The following MGAM2 variants were observed in gnomAD, a reference collection of about 807,000 sequenced individuals.
MGAM2 encodes the protein probable maltase-glucoamylase 2.
In MGAM2, 98 loss-of-function variants were observed where a neutral mutation model predicts 96.1. The ratio of observed to expected loss-of-function variants is 1.02; its 90% confidence interval spans 0.87 to 1.21. The LOEUF (loss-of-function observed/expected upper bound fraction) is 1.21. MGAM2 is among the 50% of genes most tolerant of loss of function. The probability of loss-of-function intolerance (pLI) is 0.00; values close to 1 mark genes in which losing one functional copy is unlikely to be tolerated. For synonymous variants in MGAM2, 749 were observed against 414.8 expected, an observed-to-expected ratio of 1.81 and a Z score of -9.79; for missense variants, 2,055 against 1,182.4, an observed-to-expected ratio of 1.74 and a Z score of -10.82.
intron 33 of MGAM2, 64 bp downstream of exon 33, chr7:142,183,437 T>G: frequency 1.5e-6 from 1 of 679,208 alleles, no homozygotes; most frequent in East Asian, 2.7e-5. Context: ...AAAACAGCTC[T>G]CAATACACAT....
At chr7:142,208,012 T>TTGCTC (rs1266485110) in intron 45 of MGAM2, among the ~76,000 whole-genome samples, 6 of 152,132 alleles carry the variant, frequency 3.9e-5, no homozygotes, top group African/African-American at 1.4e-4. Context: ...AGCAATCAAT[T>TTGCTC]TTAAGCACTT....
rs548518691 is a variant in MGAM2, at chr7:142,191,302, C to G, written c.4346+1797C>G. Among the ~76,000 whole-genome samples the G allele has an allele frequency of 3.5e-3, 540 of 152,146 alleles. 1 individual carries two copies. Among genetic ancestry groups the G allele is most frequent in the Non-Finnish European group, 4.5e-3 (309 of 67,986 alleles). On this transcript the variant is annotated intron_variant, in intron 37 of 47. Transcript: ENST00000477922. ...AAGTTTTTATAAAGTCCTATTTATTCATTTACTTACTTATTCATTTGTCAC... is the reference window on the plus strand; with the variant it reads ...AAGTTTTTATAAAGTCCTATTTATTGATTTACTTACTTATTCATTTGTCAC...
intron 34 of MGAM2, 119 bp downstream of exon 34, chr7:142,185,258 A>G (rs1796659707): frequency 1.8e-6 from 1 of 567,974 alleles, no homozygotes; most frequent in South Asian, 2.4e-5. Context: ...GAGGGTGCTT[A>G]TCCACTGTTA....
chr7:142,211,395 G>A (rs1474667067), intron 46 of MGAM2, among the ~76,000 whole-genome samples: 1 of 152,152 alleles, frequency 6.6e-6, no homozygotes, highest in African/African-American at 2.4e-5. Flanking sequence ...AAGCTCCTCC[G>A]AGCTAAAGGA....
rs1797126708 is a variant in MGAM2 at position 142,198,621 on chromosome 7, A to G, written c.4930A>G (p.Ser1644Gly). Reference protein sequence around the residue: ...ARWYDYSTGTSSTSTGQRKIL... With the variant: ...ARWYDYSTGTGSTSTGQRKIL... Reference sequence around the variant, plus strand: ...CCTGTATTCTCCTTTCTAGGGAACTAGCAGCACATCAACAGGTCAGAGGAA... The same window carrying G: ...CCTGTATTCTCCTTTCTAGGGAACTGGCAGCACATCAACAGGTCAGAGGAA... Residue 1644 changes from serine (S) to glycine (G), a missense_variant, in exon 44 of 48, where the codon AGC (serine) becomes GGC (glycine). Ser to Gly is a moderately conservative substitution (Grantham distance 56). Transcript: ENST00000477922. 1 of 702,980 alleles carries G rather than the reference A, an allele frequency of 1.4e-6. No homozygotes were observed. Among genetic ancestry groups the G allele is most frequent in the Non-Finnish European group, 2.6e-6 (1 of 384,910 alleles). The allele number at this position is 702,980 out of a possible 1,614,324, so 43.5% of individuals were successfully genotyped here.
chr7:142,176,390 CT>C (rs1035876754), intron 32 of MGAM2, among the ~76,000 whole-genome samples: 30 of 152,178 alleles, frequency 2.0e-4, no homozygotes, highest in African/African-American at 7.2e-4. Context: ...TATTTGGTGA[CT>C]TTTGCTCACT....
intron 3 of MGAM2, among the ~76,000 whole-genome samples, chr7:142,125,655 TTATAA>T (rs1158768661): frequency 3.9e-5 from 6 of 152,188 alleles, no homozygotes; most frequent in Non-Finnish European, 5.9e-5. Context: ...GATTGTATGG[TTATAA>T]TATAATTACT....
At chr7:142,111,892 C>T (rs891989009) in intron 1 of MGAM2, 85 bp downstream of exon 1, 1 of 152,272 alleles carries the variant, frequency 6.6e-6, no homozygotes, top group Non-Finnish European at 1.5e-5. Context: ...GTCTGCTGCT[C>T]TGTTAAGTGA....
rs139628007 is a variant in MGAM2 at position 142,191,156 on chromosome 7, G to A, written c.4346+1651G>A. ...ACAGAAAAAAAAAAATTATTGGATC[G>A]TAAGAATTCTTTAAATATTCTAAAT... On this transcript the variant is annotated intron_variant, in intron 37 of 47. Transcript: ENST00000477922. Among the ~76,000 whole-genome samples, 123 of 151,936 alleles carry A rather than the reference G, an allele frequency of 8.1e-4. 1 individual carries two copies. The highest frequency in any genetic ancestry group is 3.4e-3 in the Middle Eastern group (1 of 292).
At chr7:142,206,526 G>A (rs1020587980) in intron 45 of MGAM2, among the ~76,000 whole-genome samples, 2 of 152,110 alleles carry the variant, frequency 1.3e-5, no homozygotes, top group African/African-American at 4.8e-5. Flanking sequence ...TAGCTAATTA[G>A]GACTAGATGA....
chr7:142,165,209 T>A (rs1485379899), intron 24 of MGAM2, among the ~76,000 whole-genome samples, 186 bp downstream of exon 24: 1 of 152,198 alleles, frequency 6.6e-6, no homozygotes, highest in Non-Finnish European at 1.5e-5. Flanking sequence ...TTTGTTTGTA[T>A]CAGGGCTCTG....
chr7:142,118,306 C>A (rs1416318452), intron 2 of MGAM2, among the ~76,000 whole-genome samples: 1 of 152,118 alleles, frequency 6.6e-6, no homozygotes, highest in Non-Finnish European at 1.5e-5. Flanking sequence ...TGCATAATGT[C>A]CTCAAGGTTC....
rs1163547036 is a variant in MGAM2, at chr7:142,164,861, T to C, written c.2490T>C (p.His830=). The C allele has an allele frequency of 1.4e-6, 1 of 695,600 alleles. No homozygotes were observed. 43.1% of individuals were successfully genotyped at this position (695,600 alleles called of 1,614,324 possible). Residue 830 remains histidine (H), a synonymous_variant, in exon 24 of 48, where the codon CAT becomes CAC. Coordinates refer to ENST00000477922, the MANE Select transcript of MGAM2 (RefSeq NM_001293626.2). Reference sequence around the variant, plus strand: ...ACTTTTTTTTCCCCTCCCAGAACCATCTACAAGCAAAGATTATAAATAATA... The same window carrying C: ...ACTTTTTTTTCCCCTCCCAGAACCACCTACAAGCAAAGATTATAAATAATA... ...ILYDFSVTSN[H]LQAKIINNNY...
chr7:142,117,521 A>G (rs1027645617), intron 2 of MGAM2, among the ~76,000 whole-genome samples: 5 of 152,176 alleles, frequency 3.3e-5, no homozygotes, highest in African/African-American at 1.2e-4. Flanking sequence ...AAATAATAAA[A>G]TGTGTGTAGT....
chr7:142,159,411 C>G, intron 20 of MGAM2, 68 bp downstream of exon 20: 1 of 691,252 alleles, frequency 1.4e-6, no homozygotes, highest in Non-Finnish European at 2.6e-6. Context: ...AAGCAGCAGT[C>G]TTGGGAGCTT....
Position 142,164,939 on chromosome 7 carries a change from G to C in MGAM2, c.2568G>C (p.Met856Ile), listed in dbSNP as rs1267129749. Reference sequence around the variant, plus strand: ...TCACAGATATCACAATCTTGGGAATGGACAAACAGCCAGCTAATTTTATCG... The same window carrying C: ...TCACAGATATCACAATCTTGGGAATCGACAAACAGCCAGCTAATTTTATCG... ...LMFTDITILGMDKQPANFIVL... is the reference protein window; with the variant it reads ...LMFTDITILGIDKQPANFIVL... The change falls in exon 24 of 48, where the codon ATG becomes ATC. Residue 856 changes from methionine (M) to isoleucine (I), a missense_variant. By Grantham distance (10) the Met-to-Ile change is conservative. Coordinates refer to ENST00000477922, the MANE Select transcript of MGAM2 (RefSeq NM_001293626.2). 1 of 702,640 alleles carries C rather than the reference G, an allele frequency of 1.4e-6. No individual in the cohort carries two copies. The highest frequency in any genetic ancestry group is 2.6e-6 in the Non-Finnish European group (1 of 384,894). The allele number at this position is 702,640 out of a possible 1,614,324, so 43.5% of individuals were successfully genotyped here. A position where few individuals can be genotyped will look rare whatever the true frequency, so the allele number is the denominator to read the frequency against.
At chr7:142,130,408 G>C (rs969247846) in intron 3 of MGAM2, among the ~76,000 whole-genome samples, 4 of 152,198 alleles carry the variant, frequency 2.6e-5, no homozygotes, top group Non-Finnish European at 5.9e-5. Flanking sequence ...GTGATTTCCA[G>C]CTTCATTCTC....
chr7:142,215,998 A>G (rs1181945607), intron 46 of MGAM2, among the ~76,000 whole-genome samples: 1 of 152,084 alleles, frequency 6.6e-6, no homozygotes, highest in Admixed American at 6.5e-5. Flanking sequence ...GCTAGAGTCT[A>G]TATTTTTTCT....
chr7:142,117,165 T>C (rs1227499122), intron 2 of MGAM2, among the ~76,000 whole-genome samples, 186 bp downstream of exon 2: 3 of 152,332 alleles, frequency 2.0e-5, no homozygotes, highest in East Asian at 3.9e-4. Flanking sequence ...AAACCTTGAA[T>C]GTTAGTGACA....
Sources: allele counts gnomAD v4.1 joint callset (sites outside exome capture counted in the v4.1 genomes callset), GRCh38; gene constraint gnomAD v4.1.1; transcripts MANE v1.5; gene names NCBI Gene and HGNC (gene_info 2026-07-23, HGNC 2026-07-21).